RBFOX1: variants seen among roughly 807,000 people sequenced by gnomAD.
RBFOX1 encodes RNA binding protein fox-1 homolog 1.
A neutral mutation model predicts 57.7 loss-of-function variants in RBFOX1; 8 were observed. The ratio of observed to expected loss-of-function variants is 0.14; its 90% CI spans 0.08 to 0.25. The LOEUF (loss-of-function observed/expected upper bound fraction) is 0.25, where lower values mean the gene tolerates loss of function less well. RBFOX1 is among the 10% of genes least tolerant of loss of function. RBFOX1 has a pLI of 1.00. For synonymous variants in RBFOX1, 326 were observed against 222.4 expected, an observed-to-expected ratio of 1.47 and a Z score of -4.15; for missense variants, 611 against 548.5, an observed-to-expected ratio of 1.11 and a Z score of -1.14.
intron 3 of RBFOX1, among the ~76,000 whole-genome samples, chr16:6,868,556 C>T (rs1234293812): frequency 1.3e-5 from 2 of 152,126 alleles, no homozygotes; most frequent in South Asian, 2.1e-4. Flanking sequence ...ACTGCAACCT[C>T]TGCTTCCTGG....
chr16:7,041,671 G>A (rs77134526), intron 3 of RBFOX1, among the ~76,000 whole-genome samples: 14,354 of 152,068 alleles, frequency 0.094, 1,111 homozygotes, highest in East Asian at 0.32. Flanking sequence ...CAAACCTTTC[G>A]AAAGGAATCT....
chr16:6,006,620 A>G (rs931003770), intron 4 of RBFOX1, among the ~76,000 whole-genome samples: 2 of 152,208 alleles, frequency 1.3e-5, no homozygotes, highest in African/African-American at 2.4e-5. Context: ...GTGTGTCCAT[A>G]AATCCCATTT....
chr16:7,240,637 C>G (rs927884228), intron 4 of RBFOX1, among the ~76,000 whole-genome samples: 3 of 152,228 alleles, frequency 2.0e-5, no homozygotes, highest in South Asian at 2.1e-4. Context: ...TCACTGCAGC[C>G]TTGACCTTCT....
chr16:5,876,468 C>T (rs554360525), intron 4 of RBFOX1, among the ~76,000 whole-genome samples: 1 of 152,260 alleles, frequency 6.6e-6, no homozygotes, highest in East Asian at 1.9e-4. Flanking sequence ...AAAGTGAAGT[C>T]AGGAGTCACC....
At chr16:7,205,375 G>C (rs148827741) in intron 4 of RBFOX1, among the ~76,000 whole-genome samples, 317 of 151,982 alleles carry the variant, frequency 2.1e-3, no homozygotes, top group African/African-American at 7.1e-3. Flanking sequence ...AAAATTAGCT[G>C]GGTGTGGTGG....
At chr16:6,900,558 A>G (rs2068214819) in intron 3 of RBFOX1, among the ~76,000 whole-genome samples, 1 of 151,982 alleles carries the variant, frequency 6.6e-6, no homozygotes, top group Non-Finnish European at 1.5e-5. Context: ...CCCCTTACTC[A>G]TTATTTCAGA....
rs914936556 is a variant in RBFOX1, at chr16:6,558,590, C to T, written c.-63-96013C>T. ...ACAAATTGACACATGGGGCTTTTGG[C>T]TTTTGTCCTGGGGATATGGCAGTTG... On this transcript the variant is annotated intron_variant, in intron 2 of 15. Transcript: ENST00000550418. Among the ~76,000 whole-genome samples the T allele has an allele frequency of 5.4e-4, 82 of 152,038 alleles. 2 individuals carry two copies. The highest frequency in any genetic ancestry group is 1.5e-4 in the Non-Finnish European group (10 of 68,006).
intron 1 of RBFOX1, among the ~76,000 whole-genome samples, chr16:6,276,235 A>G (rs1191826520): frequency 6.6e-6 from 1 of 152,254 alleles, no homozygotes; most frequent in African/African-American, 2.4e-5. Flanking sequence ...GGCCAGAATC[A>G]TTTTAGATAA....
At chr16:6,892,487 C>T (rs539663178) in intron 3 of RBFOX1, among the ~76,000 whole-genome samples, 18 of 152,048 alleles carry the variant, frequency 1.2e-4, no homozygotes, top group African/African-American at 3.1e-4. Flanking sequence ...CTGGCCAACA[C>T]GGTGAAACCC....
At chr16:7,048,194 A>T (rs1472746860) in intron 3 of RBFOX1, among the ~76,000 whole-genome samples, 2 of 147,966 alleles carry the variant, frequency 1.4e-5, no homozygotes, top group Non-Finnish European at 3.0e-5. Context: ...TTTTATTTTT[A>T]TTTTTTTAAA....
At chr16:7,655,361 G>T (rs2066042987) in intron 12 of RBFOX1, among the ~76,000 whole-genome samples, 1 of 152,214 alleles carries the variant, frequency 6.6e-6, no homozygotes, top group South Asian at 2.1e-4. Flanking sequence ...GACAAAACAA[G>T]AGCTCTCTCT....
intron 5 of RBFOX1, among the ~76,000 whole-genome samples, chr16:7,548,479 T>G (rs576251882): frequency 6.6e-6 from 1 of 152,154 alleles, no homozygotes; most frequent in African/African-American, 2.4e-5. Flanking sequence ...TCTTTAAACA[T>G]TTACATTTGA....
At chr16:6,763,711 C>A (rs2076948070) in intron 3 of RBFOX1, among the ~76,000 whole-genome samples, 1 of 152,182 alleles carries the variant, frequency 6.6e-6, no homozygotes, top group Non-Finnish European at 1.5e-5. Flanking sequence ...ATGTTTGCCC[C>A]TTTTAGCCTG....
intron 4 of RBFOX1, among the ~76,000 whole-genome samples, chr16:5,922,744 A>G (rs756348742): frequency 6.6e-6 from 1 of 152,194 alleles, no homozygotes. Context: ...ATGTATTCAG[A>G]TGGAAATAAA....
At chr16:6,107,715 G>A (rs1309523319) in intron 1 of RBFOX1, among the ~76,000 whole-genome samples, 1 of 102,242 alleles carries the variant, frequency 9.8e-6, no homozygotes, top group Non-Finnish European at 2.0e-5. Context: ...ATGGATGGAT[G>A]GATTTGTGGG....
chr16:6,237,609 G>T (rs1203081357), intron 1 of RBFOX1, among the ~76,000 whole-genome samples: 1 of 151,988 alleles, frequency 6.6e-6, no homozygotes. Flanking sequence ...GGGCGTGGTG[G>T]TGAGAGCCTG....
At chr16:7,702,115 A>G (rs1383372964) in intron 14 of RBFOX1, among the ~76,000 whole-genome samples, 3 of 152,192 alleles carry the variant, frequency 2.0e-5, no homozygotes, top group African/African-American at 7.2e-5. Flanking sequence ...ACATTTTCTC[A>G]AATGGATGCG....
chr16:5,576,514 G>C (rs887453784), intron 2 of RBFOX1, among the ~76,000 whole-genome samples: 3 of 152,122 alleles, frequency 2.0e-5, no homozygotes, highest in African/African-American at 4.8e-5. Context: ...TGCTTAACTG[G>C]AAAGTGATAA....
At chr16:6,553,390 A>G (rs1380212597) in intron 2 of RBFOX1, among the ~76,000 whole-genome samples, 1 of 152,240 alleles carries the variant, frequency 6.6e-6, no homozygotes. Flanking sequence ...GTGAACGTCT[A>G]TCAAGGATGG....
Sources: gnomAD v4.1 joint callset for allele counts (sites outside exome capture counted in the v4.1 genomes callset) on GRCh38, gnomAD v4.1.1 for gene constraint, MANE v1.5 for transcripts, NCBI Gene and HGNC (gene_info 2026-07-23, HGNC 2026-07-21) for gene names.